Variants in DSCAML1 observed in about 807,000 individuals in gnomAD.
DSCAML1 encodes the protein cell adhesion molecule DSCAML1.
A neutral mutation model predicts 200.5 loss-of-function variants in DSCAML1; 38 were observed. The ratio of observed to expected loss-of-function variants is 0.19; its 90% CI spans 0.15 to 0.25. The LOEUF is 0.25. Ranked by LOEUF, DSCAML1 falls within the 10% of genes least tolerant of loss-of-function variation. DSCAML1 has a pLI of 1.00. For missense variants in DSCAML1, 2,223 were observed against 2,858.8 expected, an observed-to-expected ratio of 0.78 and a Z score of 5.07; for synonymous variants, 1,215 against 1,165.0, an observed-to-expected ratio of 1.04 and a Z score of -0.87.
intron 3 of DSCAML1, among the ~76,000 whole-genome samples, chr11:117,751,678 C>T (rs909585791): frequency 5.3e-5 from 8 of 152,134 alleles, no homozygotes; most frequent in African/African-American, 1.7e-4. Flanking sequence ...ATCCTGAAAA[C>T]CCACAGCCTC....
chr11:117,606,541 G>C (rs968869858), intron 3 of DSCAML1, among the ~76,000 whole-genome samples: 4 of 152,272 alleles, frequency 2.6e-5, no homozygotes, highest in Non-Finnish European at 5.9e-5. Flanking sequence ...TCAAGTATTT[G>C]AGGTAGTTAT....
intron 3 of DSCAML1, among the ~76,000 whole-genome samples, chr11:117,560,915 C>T (rs981981700): frequency 1.3e-5 from 2 of 152,164 alleles, no homozygotes; most frequent in Non-Finnish European, 2.9e-5. Context: ...CTTAACTCCC[C>T]ACCCTGGTGG....
At chr11:117,714,651 T>C (rs1466488366) in intron 3 of DSCAML1, among the ~76,000 whole-genome samples, 3 of 151,864 alleles carry the variant, frequency 2.0e-5, no homozygotes, top group Non-Finnish European at 4.4e-5. Flanking sequence ...ACCCCATCTC[T>C]ACTGAAAATA....
intron 3 of DSCAML1, among the ~76,000 whole-genome samples, chr11:117,550,531 G>A (rs939725756): frequency 3.9e-5 from 6 of 152,222 alleles, no homozygotes; most frequent in African/African-American, 1.4e-4. Context: ...CATTATCTGA[G>A]AAATTTAGGT....
rs908134549 is a variant in DSCAML1, at chr11:117,430,719, C to T, written c.5686+3G>A. On this transcript the variant is annotated splice_donor_region_variant and intron_variant, in intron 32 of 32. Transcript: ENST00000651296. The stretch of plus-strand genomic sequence containing the variant: ...CTGCCTGGGAGGTGGTCTGAGCACT[C>T]ACTCTTGTTGGCCCGGTGAGGGATG... 6.8e-6 allele frequency: 11 copies of T among 1,608,082 alleles called. No individual in the cohort carries two copies. The African/African-American group carries it at 1.3e-4, about 20-fold the overall frequency.
intron 3 of DSCAML1, among the ~76,000 whole-genome samples, chr11:117,604,384 T>C (rs566735677): frequency 2.6e-5 from 4 of 152,036 alleles, no homozygotes; most frequent in African/African-American, 9.6e-5. Flanking sequence ...TTACTGCTTT[T>C]GGCTGCTGCA....
At chr11:117,521,106 CT>C in intron 6 of DSCAML1, 23 bp downstream of exon 6, 1 of 1,606,546 alleles carries the variant, frequency 6.2e-7, no homozygotes, top group Non-Finnish European at 8.5e-7. Context: ...AACCCGCCCC[CT>C]GTGTCCTGGC....
intron 3 of DSCAML1, among the ~76,000 whole-genome samples, chr11:117,587,257 C>CCT (rs1555187495): frequency 1.8e-5 from 2 of 109,148 alleles, no homozygotes; most frequent in South Asian, 5.8e-4. Context: ...TTTCCAACCC[C>CCT]CCCCCACGAT....
At position 117,505,460 on chromosome 11, in the gene DSCAML1, C is replaced by T; in HGVS notation, c.2056G>A (p.Val686Met). The change falls in exon 9 of 33, where the codon GTG (valine) becomes ATG (methionine). Residue 686 changes from valine (V) to methionine (M), a missense_variant. Around this residue, in one of 7 missense-constraint regions of DSCAML1, gnomAD observed 212 missense variants for 368.0 expected, o/e 0.58. Coordinates refer to ENST00000651296, the MANE Select transcript of DSCAML1 (RefSeq NM_020693.4). The surrounding 1 kb of genome is among the most constrained non-coding windows in gnomAD (Gnocchi z 6.7). ...ATVSRERQLI[V>M]RVPPRFVVQP... ...CTGGCCTGTCCCTGCTCACCACGCA[C>T]GATGAGCTGGCGCTCCCGGCTCACG... is the stretch of plus-strand genomic sequence containing the variant. 1.9e-6 allele frequency: 3 copies of T among 1,610,114 alleles called. No individual in the cohort carries two copies. Among genetic ancestry groups the T allele is most frequent in the Non-Finnish European group, 2.5e-6 (3 of 1,179,810 alleles).
intron 17 of DSCAML1, among the ~76,000 whole-genome samples, chr11:117,462,861 C>G (rs2048507682): frequency 6.6e-6 from 1 of 152,206 alleles, no homozygotes; most frequent in Non-Finnish European, 1.5e-5. Flanking sequence ...AACTGCTGAG[C>G]AAATGCTGCT....
chr11:117,687,479 T>C (rs2053423124), intron 3 of DSCAML1, among the ~76,000 whole-genome samples: 1 of 147,584 alleles, frequency 6.8e-6, no homozygotes, highest in African/African-American at 2.5e-5. Context: ...TTGCCCAGGC[T>C]GGTCTCAAAC....
chr11:117,599,136 C>CAGAGATCTTTTCTTAGT (rs11274556), intron 3 of DSCAML1, among the ~76,000 whole-genome samples: 1 of 151,886 alleles, frequency 6.6e-6, no homozygotes, highest in African/African-American at 2.4e-5. Flanking sequence ...GCCGCAAAAC[C>CAGAGATCTTTTCTTAGT]ACCTCACAGG....
intron 3 of DSCAML1, among the ~76,000 whole-genome samples, chr11:117,671,011 GA>G (rs1024310168): frequency 2.0e-5 from 3 of 152,170 alleles, no homozygotes; most frequent in Non-Finnish European, 2.9e-5. Flanking sequence ...CCCGTTGAAA[GA>G]GGTGCACATT....
intron 21 of DSCAML1, 150 bp from the exon 22 acceptor site, chr11:117,440,086 G>A: frequency 1.6e-6 from 1 of 644,462 alleles, no homozygotes; most frequent in South Asian, 1.9e-5. Context: ...TAGGTGTCAG[G>A]GAATATTGGC....
intron 20 of DSCAML1, among the ~76,000 whole-genome samples, chr11:117,448,025 C>T (rs1421546047): frequency 6.6e-6 from 1 of 152,212 alleles, no homozygotes; most frequent in Non-Finnish European, 1.5e-5. Flanking sequence ...GTTCTCATCA[C>T]ATCAGCAGGA....
At chr11:117,707,990 A>G (rs542311685) in intron 3 of DSCAML1, among the ~76,000 whole-genome samples, 1 of 152,160 alleles carries the variant, frequency 6.6e-6, no homozygotes, top group Non-Finnish European at 1.5e-5. Flanking sequence ...ACTTACCAAG[A>G]CATGAAGACT....
chr11:117,657,019 G>A (rs879298233), intron 3 of DSCAML1, among the ~76,000 whole-genome samples: 4 of 152,202 alleles, frequency 2.6e-5, no homozygotes, highest in Admixed American at 2.0e-4. Flanking sequence ...TCTTCACACT[G>A]GTTACTGAAG....
intron 3 of DSCAML1, among the ~76,000 whole-genome samples, chr11:117,701,543 G>A (rs2053667094): frequency 6.6e-6 from 1 of 152,226 alleles, no homozygotes; most frequent in African/African-American, 2.4e-5. Context: ...GGAGGAGGAA[G>A]AGCTGGCTGC....
At chr11:117,623,216 C>T (rs796685593) in intron 3 of DSCAML1, among the ~76,000 whole-genome samples, 10 of 121,110 alleles carry the variant, frequency 8.3e-5, no homozygotes, top group East Asian at 7.0e-4. Context: ...CTTTTCTTTT[C>T]TTTTTTTTTT....
Sources: allele counts gnomAD v4.1 joint callset (sites outside exome capture counted in the v4.1 genomes callset), GRCh38; gene constraint gnomAD v4.1.1; regional missense constraint gnomAD v4.1.1; non-coding constraint Gnocchi (gnomAD v3.1); transcripts MANE v1.5; gene names NCBI Gene and HGNC (gene_info 2026-07-23, HGNC 2026-07-21).